HIRA: variants seen among roughly 807,000 people sequenced by gnomAD.
HIRA encodes protein HIRA.
HIRA carries 13 observed loss-of-function variants against 126.6 expected under a neutral mutation model. That is an observed-to-expected ratio of 0.10 (90% confidence interval 0.07 to 0.16). The LOEUF (loss-of-function observed/expected upper bound fraction) is 0.16, where lower values mean the gene tolerates loss of function less well. Ranked by LOEUF, HIRA falls within the 10% of genes least tolerant of loss-of-function variation. The pLI is 1.00. For synonymous variants in HIRA, 511 were observed against 520.0 expected (o/e 0.98, Z 0.24); for missense variants, 834 against 1,314.4 (o/e 0.63, Z 5.65).
chr22:19,431,042 C>A (rs1022356641), intron 1 of HIRA, among the ~76,000 whole-genome samples: 1 of 152,302 alleles, frequency 6.6e-6, no homozygotes, highest in African/African-American at 2.4e-5. Context: ...CATCCTGCCA[C>A]TGAAAGGCCA....
intron 13 of HIRA, among the ~76,000 whole-genome samples, chr22:19,383,310 G>GA (rs927403628): frequency 1.4e-4 from 21 of 149,454 alleles, no homozygotes; most frequent in African/African-American, 2.9e-4. Context: ...AGAAAAAAAA[G>GA]AAAAAAAAAA....
rs762369052 is a variant in HIRA at position 19,385,689 on chromosome 22, G to A, written c.1161C>T (p.Thr387=). Residue 387 remains threonine (T), a synonymous_variant, in exon 12 of 25, where the codon ACC becomes ACT. Coordinates refer to ENST00000263208, the MANE Select transcript of HIRA (RefSeq NM_003325.4). The part of the protein sequence containing the change: ...STYGKSLAIM[T]EAQLSTAVIE... ...TGACGGCTGTGGAGAGCTGGGCCTC[G>A]GTCATGATGGCTAGGCTCTTGCCAT... The A allele has an allele frequency of 4.3e-6, 7 of 1,613,992 alleles. No individual in the cohort carries two copies. The highest frequency in any genetic ancestry group is 3.3e-5 in the South Asian group (3 of 91,070).
intron 17 of HIRA, among the ~76,000 whole-genome samples, chr22:19,360,059 T>G (rs2088849640): frequency 6.6e-6 from 1 of 152,176 alleles, no homozygotes; most frequent in Non-Finnish European, 1.5e-5. Context: ...AAGCACCTAA[T>G]TCAGTGTCTG....
At chr22:19,350,782 C>T (rs555227330) in intron 24 of HIRA, among the ~76,000 whole-genome samples, 1 of 152,110 alleles carries the variant, frequency 6.6e-6, no homozygotes, top group East Asian at 1.9e-4. Context: ...TATGTGCCAG[C>T]CACAGTGGCT....
At chr22:19,430,857 C>G (rs1019146952) in intron 1 of HIRA, among the ~76,000 whole-genome samples, 5 of 152,222 alleles carry the variant, frequency 3.3e-5, no homozygotes, top group Non-Finnish European at 5.9e-5. Context: ...CACCTGTGCC[C>G]TATCTGCCCA....
rs2088754274 is a variant in HIRA at position 19,351,246 on chromosome 22, G to C, written c.2937+112C>G. The C allele has an allele frequency of 1.4e-6, 2 of 1,448,098 alleles. No homozygotes were observed. The highest frequency in any genetic ancestry group is 1.8e-6 in the Non-Finnish European group (2 of 1,101,798). The allele number at this position is 1,448,098 out of a possible 1,614,324, so 89.7% of individuals were successfully genotyped here. ...CTGATGCTGGGACCTGAGGCTGGGT[G>C]CTGGAGAAGTCTAACGGGACACAAT... On this transcript the variant is annotated intron_variant, in intron 24 of 24. Coordinates refer to ENST00000263208, the MANE Select transcript of HIRA (RefSeq NM_003325.4). This position sits in a 1 kb window ranked among gnomAD's most constrained non-coding sequence, Gnocchi z 4.8.
Position 19,385,699 on chromosome 22 carries a change from G to A in HIRA, c.1151C>T (p.Ala384Val). The A allele has an allele frequency of 6.2e-7, 1 of 1,614,072 alleles. No homozygotes were observed. The highest frequency in any genetic ancestry group is 8.5e-7 in the Non-Finnish European group (1 of 1,179,982). The change falls in exon 12 of 25, where the codon GCC becomes GTC. Residue 384 changes from alanine (A) to valine (V), a missense_variant. Physicochemically the swap from Ala to Val is moderately conservative, Grantham distance 64. This residue lies in a region of HIRA where 153 missense variants were observed against 270.6 expected (regional missense o/e 0.57). Coordinates refer to ENST00000263208, the MANE Select transcript of HIRA (RefSeq NM_003325.4). ...IHQSTYGKSL[A>V]IMTEAQLSTA... ...GGAGAGCTGGGCCTCGGTCATGATG[G>A]CTAGGCTCTTGCCATAGGTGGACTG...
Position 19,390,565 on chromosome 22 carries a change from C to G in HIRA, c.936+1536G>C, listed in dbSNP as rs1262216363. On this transcript the variant is annotated intron_variant, in intron 9 of 24. Coordinates refer to ENST00000263208, the MANE Select transcript of HIRA (RefSeq NM_003325.4). The stretch of plus-strand genomic sequence containing the variant: ...AAGAAGCCAAGATTGCACCACTGCA[C>G]TCCAGCCTGCTGGGCAATAGAGGGA... 2.3e-5 allele frequency among the ~76,000 whole-genome samples: 3 copies of G among 131,390 alleles called. No individual in the cohort carries two copies. In the East Asian group the frequency reaches 6.7e-4, roughly 30 times the overall value. The allele number at this position is 131,390 out of a possible 152,430, so 86.2% of individuals were successfully genotyped here. A position where few individuals can be genotyped will look rare whatever the true frequency, so the allele number is the denominator to read the frequency against.
chr22:19,349,317 G>C (rs1556010102), intron 24 of HIRA, among the ~76,000 whole-genome samples: 1 of 151,896 alleles, frequency 6.6e-6, no homozygotes, highest in Non-Finnish European at 1.5e-5. Flanking sequence ...TGGCCGGGCA[G>C]GTCTTGAACT....
At chr22:19,390,601 C>CAA (rs575050947) in intron 9 of HIRA, among the ~76,000 whole-genome samples, 653 of 38,298 alleles carry the variant, frequency 0.017, 107 homozygotes, top group East Asian at 0.15. Context: ...GACTCTGTCT[C>CAA]AAAAAAAAAA....
At chr22:19,352,923 A>C (rs1231579237) in intron 23 of HIRA, among the ~76,000 whole-genome samples, 4 of 152,232 alleles carry the variant, frequency 2.6e-5, no homozygotes, top group African/African-American at 9.6e-5. Flanking sequence ...AAGTGCCAGA[A>C]ATGGAGGGCC....
intron 1 of HIRA, among the ~76,000 whole-genome samples, chr22:19,413,651 G>A (rs1415856481): frequency 2.0e-5 from 3 of 150,722 alleles, no homozygotes; most frequent in Non-Finnish European, 4.4e-5. Context: ...TCGCTCTGTC[G>A]CCCAGGCTAG....
At chr22:19,334,216 C>A (rs2088534237) in intron 24 of HIRA, among the ~76,000 whole-genome samples, 1 of 151,520 alleles carries the variant, frequency 6.6e-6, no homozygotes, top group South Asian at 2.1e-4. Flanking sequence ...ACCTTGTGAT[C>A]CGCCCGCCTT....
rs782497579 is a variant in HIRA, at chr22:19,355,862, C to T, written c.2459G>A (p.Ser820Asn). The stretch of plus-strand genomic sequence containing the variant: ...CAAGATCTGTGATACCGTCATATCA[C>T]TTCCTGAGGACAGCATGGGAATGAG... ...EESLHSILAGSDMTVSQILLT... is the reference protein window; with the variant it reads ...EESLHSILAGNDMTVSQILLT... The change falls in exon 21 of 25, where the codon AGT becomes AAT. Residue 820 changes from serine (S) to asparagine (N), a missense_variant. This residue lies in a region of HIRA where 468 missense variants were observed against 574.2 expected (regional missense o/e 0.82). Transcript: ENST00000263208. 3.7e-6 allele frequency: 6 copies of T among 1,608,964 alleles called. No individual in the cohort carries two copies. In the African/African-American group the frequency reaches 8.0e-5, roughly 21 times the overall value.
chr22:19,397,363 C>T (rs1441878581), intron 6 of HIRA, among the ~76,000 whole-genome samples: 2 of 152,190 alleles, frequency 1.3e-5, no homozygotes, highest in African/African-American at 2.4e-5. Context: ...GACGGTACCC[C>T]ATATAGATCT....
chr22:19,331,238 C>A lies in HIRA; in HGVS notation c.*202G>T. The A allele has an allele frequency of 2.0e-6, 3 of 1,497,844 alleles. No individual in the cohort carries two copies. Among genetic ancestry groups the A allele is most frequent in the Non-Finnish European group, 2.7e-6 (3 of 1,122,378 alleles). 92.8% of individuals were successfully genotyped at this position (1,497,844 alleles called of 1,614,324 possible). A position where few individuals can be genotyped will look rare whatever the true frequency, so the allele number is the denominator to read the frequency against. ...TCGGGGGCTTGGAGGGAGGGATGAGCTTCCCCCTCCTGAGGCAATGTCAGA... is the reference window on the plus strand; with the variant it reads ...TCGGGGGCTTGGAGGGAGGGATGAGATTCCCCCTCCTGAGGCAATGTCAGA... On this transcript the variant is annotated 3_prime_UTR_variant, in exon 25 of 25. Coordinates refer to ENST00000263208, the MANE Select transcript of HIRA (RefSeq NM_003325.4).
At chr22:19,380,610 AT>A (rs1770919855) in intron 13 of HIRA, among the ~76,000 whole-genome samples, 1 of 151,702 alleles carries the variant, frequency 6.6e-6, no homozygotes, top group Non-Finnish European at 1.5e-5. Flanking sequence ...AGATAACTTT[AT>A]TTTATTTATT....
chr22:19,384,142 AC>A (rs2089102089), intron 12 of HIRA, among the ~76,000 whole-genome samples: 1 of 151,800 alleles, frequency 6.6e-6, no homozygotes, highest in African/African-American at 2.4e-5. Context: ...ACATGGTGAA[AC>A]CCCGTCTCTA....
chr22:19,340,089 T>C (rs2088609992), intron 24 of HIRA, among the ~76,000 whole-genome samples: 1 of 152,092 alleles, frequency 6.6e-6, no homozygotes, highest in Non-Finnish European at 1.5e-5. Context: ...TACAGACCAA[T>C]ATCCCTGGTG....
Sources: gnomAD v4.1 joint callset for allele counts (sites outside exome capture counted in the v4.1 genomes callset) on GRCh38, gnomAD v4.1.1 for gene constraint, gnomAD v4.1.1 regional missense constraint, Gnocchi (gnomAD v3.1) non-coding constraint, MANE v1.5 for transcripts, NCBI Gene and HGNC (gene_info 2026-07-23, HGNC 2026-07-21) for gene names.